GSDMB: variants seen among roughly 807,000 people sequenced by gnomAD.
GSDMB encodes the protein gasdermin-B.
Under a neutral mutation model 42.9 loss-of-function variants are expected in GSDMB, and 32 were observed. The observed-to-expected ratio is 0.75, with a 90% CI of 0.56 to 1.00. The LOEUF (loss-of-function observed/expected upper bound fraction) is 1.00, where lower values mean the gene tolerates loss of function less well. Among genes scored for constraint, GSDMB ranks in the 50% least tolerant of loss-of-function variants. GSDMB has a pLI of 0.00. For synonymous variants in GSDMB, 175 were observed against 193.7 expected (o/e 0.90, Z 0.80); for missense variants, 468 against 498.5 (o/e 0.94, Z 0.58).
At chr17:39,905,242 G>A (rs2063483139) in intron 10 of GSDMB, 184 bp downstream of exon 10, 2 of 612,052 alleles carry the variant, frequency 3.3e-6, no homozygotes, top group South Asian at 4.0e-5. Context: ...AGAGCCTAAA[G>A]AACCCACCAC....
At chr17:39,912,560 C>T in intron 2 of GSDMB, 63 bp from the exon 3 acceptor site, 1 of 1,336,378 alleles carries the variant, frequency 7.5e-7, no homozygotes, top group Non-Finnish European at 1.1e-6. Context: ...CTCCAAAACA[C>T]CCTCCCTGGG....
At chr17:39,912,638 T>C in intron 2 of GSDMB, 141 bp from the exon 3 acceptor site, 1 of 675,494 alleles carries the variant, frequency 1.5e-6, no homozygotes, top group Admixed American at 2.8e-5. Context: ...GCTGTGGCTG[T>C]CCAGGAAATG....
intron 4 of GSDMB, among the ~76,000 whole-genome samples, chr17:39,909,277 C>A (rs1449643857): frequency 6.6e-6 from 1 of 152,190 alleles, no homozygotes; most frequent in African/African-American, 2.4e-5. Context: ...GTTCATTCAA[C>A]AAATGTTTAC....
At chr17:39,917,588 CCG>C (rs200019676) in intron 1 of GSDMB, 216,243 of 404,712 alleles carry the variant, frequency 0.53, 59,858 homozygotes, top group African/African-American at 0.7. Context: ...AGTCTCCCCG[CCG>C]CCGCCCTTAA....
At chr17:39,906,875 AC>A (rs2063514191) in intron 7 of GSDMB, 85 bp downstream of exon 7, 26 of 1,602,298 alleles carry the variant, frequency 1.6e-5, no homozygotes, top group Non-Finnish European at 2.1e-5. Context: ...CACTCAGCTG[AC>A]CCCACCTGAG....
At chr17:39,916,637 C>T (rs1247068259) in intron 2 of GSDMB, among the ~76,000 whole-genome samples, 1 of 152,068 alleles carries the variant, frequency 6.6e-6, no homozygotes, top group Non-Finnish European at 1.5e-5. Context: ...CAGGAGGAAA[C>T]TGAAACTTAG....
At chr17:39,905,044 C>A in intron 10 of GSDMB, 80 bp from the exon 11 acceptor site, 2 of 1,165,394 alleles carry the variant, frequency 1.7e-6, no homozygotes, top group Non-Finnish European at 2.6e-6. Flanking sequence ...ACACTCCTTG[C>A]TGCTGAGCTG....
At chr17:39,906,909 C>T in intron 7 of GSDMB, 52 bp downstream of exon 7, 1 of 1,612,506 alleles carries the variant, frequency 6.2e-7, no homozygotes. Context: ...GCCACATGGA[C>T]TCAGGGTGGG....
chr17:39,907,587 G>A (rs1031279230), intron 6 of GSDMB: 2 of 152,342 alleles, frequency 1.3e-5, no homozygotes, highest in Non-Finnish European at 2.9e-5. Context: ...ACTTAACTTG[G>A]CGTGGTGGAG....
chr17:39,908,044 G>T, intron 6 of GSDMB, 132 bp downstream of exon 6: 1 of 663,850 alleles, frequency 1.5e-6, no homozygotes, highest in Non-Finnish European at 2.8e-6. Context: ...TTTCCCCTGC[G>T]CTTGCCATGG....
chr17:39,905,112 A>G, intron 10 of GSDMB, 148 bp from the exon 11 acceptor site: 1 of 707,344 alleles, frequency 1.4e-6, no homozygotes, highest in East Asian at 2.6e-5. Context: ...GGAGAGCTTC[A>G]TACTCTCTCA....
In GSDMB at chr17:39,906,175, T is replaced by C. The variant is rs1447479567; in HGVS notation, c.824A>G (p.Asp275Gly). 6.2e-7 allele frequency: 1 copy of C among 1,614,008 alleles called. No homozygotes were observed. The highest frequency in any genetic ancestry group is 8.5e-7 in the Non-Finnish European group (1 of 1,179,976). Residue 275 changes from aspartate to glycine, a missense_variant, in exon 8 of 11, where the codon GAT becomes GGT. Asp to Gly is a moderately conservative substitution (Grantham distance 94). Transcript: ENST00000418519. ...GCACTTAGCGAGGGAGTTTAGCACA[T>C]CTTTTCTCTTCTCCTCTGTCAGGTC... ...LKDLTEEKRK[D>G]VLNSLAKCLG...
chr17:39,906,232 T>C lies in GSDMB; in HGVS notation c.767A>G (p.Glu256Gly), dbSNP rs1342395220. The C allele has an allele frequency of 6.2e-7, 1 of 1,614,162 alleles. No homozygotes were observed. Among genetic ancestry groups the C allele is most frequent in the Admixed American group, 1.7e-5 (1 of 60,014 alleles). The change falls in exon 8 of 11, where the codon GAG (glutamate) becomes GGG (glycine). Residue 256 changes from glutamate (E) to glycine (G), a missense_variant. Glu to Gly is a moderately conservative substitution (Grantham distance 98). Transcript: ENST00000418519. ...LGSEDSRNMK[E>G]KLEDMESVLK... is the part of the protein sequence containing the mutation. ...GACACTCTCCATGTCCTCCAACTTCTCCTTCATGTTTCTGGAATCCTCCGA... is the reference window on the plus strand; with the variant it reads ...GACACTCTCCATGTCCTCCAACTTCCCCTTCATGTTTCTGGAATCCTCCGA...
rs2063473433 is a variant in GSDMB, at chr17:39,904,791, G to C, written c.*21C>G. 1 of 1,610,268 alleles carries C rather than the reference G, an allele frequency of 6.2e-7. No individual in the cohort carries two copies. The highest frequency in any genetic ancestry group is 1.7e-5 in the Admixed American group (1 of 59,886). ...GTAAAGGGAAAACCCAGAGGCTTGT[G>C]GGGAGAAAGGGCTTTTGTAGTTAGG... On this transcript the variant is annotated 3_prime_UTR_variant, in exon 11 of 11. Coordinates refer to ENST00000418519, the MANE Select transcript of GSDMB (RefSeq NM_001165958.2).
intron 2 of GSDMB, among the ~76,000 whole-genome samples, chr17:39,915,400 G>C (rs1206019167): frequency 6.6e-6 from 1 of 152,216 alleles, no homozygotes; most frequent in Non-Finnish European, 1.5e-5. Flanking sequence ...TTCTTTTTAA[G>C]TTTGGTTTCA....
intron 7 of GSDMB, chr17:39,906,476 C>T: frequency 9.3e-7 from 1 of 1,079,550 alleles, no homozygotes; most frequent in Non-Finnish European, 1.3e-6. Context: ...CTTCCATCTC[C>T]CCAGCTCACC....
chr17:39,906,581 G>T (rs2063508647), intron 7 of GSDMB: 2 of 1,333,364 alleles, frequency 1.5e-6, no homozygotes, highest in Admixed American at 7.1e-5. Flanking sequence ...GCAGTCCTCA[G>T]GCCACACTAG....
At chr17:39,908,920 A>G in intron 5 of GSDMB, 38 bp downstream of exon 5, 1 of 1,188,124 alleles carries the variant, frequency 8.4e-7, no homozygotes, top group Non-Finnish European at 1.2e-6. Flanking sequence ...TGGTGTGTTT[A>G]GGGCCCCCCA....
At chr17:39,918,365 TC>T (rs542138286) in intron 1 of GSDMB, 168 bp downstream of exon 1, 58 of 152,314 alleles carry the variant, frequency 3.8e-4, no homozygotes, top group Admixed American at 2.2e-3. Flanking sequence ...TTGGCCACCT[TC>T]CCCTATATCC....
Sources: allele counts gnomAD v4.1 joint callset (sites outside exome capture counted in the v4.1 genomes callset), GRCh38; gene constraint gnomAD v4.1.1; transcripts MANE v1.5; gene names NCBI Gene and HGNC (gene_info 2026-07-23, HGNC 2026-07-21).